The following BNC2 variants were observed in gnomAD, a reference collection of about 807,000 sequenced individuals.
BNC2 encodes the protein basonuclin zinc finger protein 2.
Under a neutral mutation model 76.3 loss-of-function variants are expected in BNC2, and 20 were observed. The ratio of observed to expected loss-of-function variants is 0.26; its 90% CI spans 0.18 to 0.38. BNC2 has a LOEUF of 0.38. BNC2 is among the 10% of genes least tolerant of loss of function. The pLI is 1.00. For missense variants in BNC2, 1,382 were observed against 1,399.8 expected (o/e 0.99, Z 0.20); for synonymous variants, 582 against 514.8 (o/e 1.13, Z -1.77).
chr9:16,652,195 T>A (rs1029841708), intron 3 of BNC2, among the ~76,000 whole-genome samples: 5 of 152,162 alleles, frequency 3.3e-5, no homozygotes, highest in Non-Finnish European at 1.5e-5. Context: ...ATATTTAGAA[T>A]CAACATAAGA....
At chr9:16,706,281 C>G (rs1056933398) in intron 3 of BNC2, among the ~76,000 whole-genome samples, 2 of 152,200 alleles carry the variant, frequency 1.3e-5, no homozygotes, top group African/African-American at 4.8e-5. Flanking sequence ...TATTAACTAT[C>G]TTCATATGAT....
chr9:16,664,102 CT>C (rs1822194002), intron 3 of BNC2, among the ~76,000 whole-genome samples: 1 of 152,056 alleles, frequency 6.6e-6, no homozygotes, highest in Non-Finnish European at 1.5e-5. Context: ...TTTATTCCTC[CT>C]GTTTCCCAAT....
chr9:16,537,702 T>G (rs569493929), intron 5 of BNC2, among the ~76,000 whole-genome samples: 114 of 152,258 alleles, frequency 7.5e-4, no homozygotes, highest in African/African-American at 2.5e-3. Context: ...ACCAGACTCA[T>G]AGCAAGGCAT....
At chr9:16,431,567 A>T (rs1820908270) in intron 6 of BNC2, 2 of 404,162 alleles carry the variant, frequency 4.9e-6, no homozygotes, top group Non-Finnish European at 1.1e-5. Context: ...TCAGCAGCAG[A>T]CAGATCAAGG....
At chr9:16,439,403 G>T (rs575337021) in intron 5 of BNC2, among the ~76,000 whole-genome samples, 1 of 152,210 alleles carries the variant, frequency 6.6e-6, no homozygotes, top group Non-Finnish European at 1.5e-5. Flanking sequence ...GATTAGAGGG[G>T]ACTAATAAAA....
At position 16,745,676 on chromosome 9, in the gene BNC2, G is replaced by A. The variant is rs142748439; in HGVS notation, c.4-7191C>T. Among the ~76,000 whole-genome samples the A allele has an allele frequency of 1.2e-4, 18 of 152,284 alleles. No homozygotes were observed. The East Asian group carries it at 3.5e-3, about 29-fold the overall frequency. On this transcript the variant is annotated intron_variant, in intron 1 of 6. Coordinates refer to ENST00000380672, the MANE Select transcript of BNC2 (RefSeq NM_017637.6). ...AAGTCATATTTAAATAAAGTATCAA[G>A]TACCAAAATGTTTTCTATTATGCCT...
chr9:16,815,764 G>T (rs1338437242), intron 1 of BNC2, among the ~76,000 whole-genome samples: 2 of 152,152 alleles, frequency 1.3e-5, no homozygotes, highest in Admixed American at 1.3e-4. Flanking sequence ...TGACTTTGAA[G>T]AACTCTTCTC....
chr9:16,552,548 G>A lies in BNC2; in HGVS notation c.651C>T (p.Val217=). Residue 217 remains valine, a synonymous_variant, in exon 5 of 7, where the codon GTC becomes GTT. Coordinates refer to ENST00000380672, the MANE Select transcript of BNC2 (RefSeq NM_017637.6). ...HGLGWTLRDY[V]RGYILQDAAG... is the part of the protein sequence containing the mutation. ...TCCCTACCTGAAGGATGTATCCTCG[G>A]ACATAGTCCCGCAGAGTCCAGCCAA... The A allele has an allele frequency of 1.9e-6, 3 of 1,614,176 alleles. No homozygotes were observed. Among genetic ancestry groups the A allele is most frequent in the Non-Finnish European group, 2.5e-6 (3 of 1,180,022 alleles).
At chr9:16,785,164 G>A (rs137964394) in intron 1 of BNC2, among the ~76,000 whole-genome samples, 1 of 152,264 alleles carries the variant, frequency 6.6e-6, no homozygotes, top group African/African-American at 2.4e-5. Flanking sequence ...TACCCACTAG[G>A]CGAGGTTAAT....
At chr9:16,500,184 G>A (rs76256811) in intron 5 of BNC2, among the ~76,000 whole-genome samples, 2,863 of 151,882 alleles carry the variant, frequency 0.019, 86 homozygotes, top group South Asian at 0.13. Context: ...CCCTTTTCAA[G>A]ACTATTCTCC....
chr9:16,659,475 G>C (rs1166520354), intron 3 of BNC2, among the ~76,000 whole-genome samples: 3 of 152,058 alleles, frequency 2.0e-5, no homozygotes, highest in Non-Finnish European at 4.4e-5. Flanking sequence ...GTGTGTGGTG[G>C]TGCATGCCTG....
intron 1 of BNC2, among the ~76,000 whole-genome samples, chr9:16,743,289 G>A (rs1824903068): frequency 6.6e-6 from 1 of 152,092 alleles, no homozygotes; most frequent in Non-Finnish European, 1.5e-5. Context: ...ATTAATCTAA[G>A]GTTTAGAGGA....
intron 1 of BNC2, among the ~76,000 whole-genome samples, chr9:16,812,692 C>G (rs916154248): frequency 3.9e-5 from 6 of 152,162 alleles, no homozygotes; most frequent in Admixed American, 2.0e-4. Context: ...TAAACTACAG[C>G]TGCACAGGTT....
At chr9:16,475,659 A>C (rs902159641) in intron 5 of BNC2, among the ~76,000 whole-genome samples, 2 of 152,194 alleles carry the variant, frequency 1.3e-5, no homozygotes, top group Non-Finnish European at 2.9e-5. Flanking sequence ...TTAATAAATC[A>C]AACAGTGTCT....
chr9:16,734,835 A>C (rs1824617969), intron 2 of BNC2, among the ~76,000 whole-genome samples: 1 of 152,226 alleles, frequency 6.6e-6, no homozygotes, highest in South Asian at 2.1e-4. Context: ...TTCTAACTTA[A>C]GGTTGGAGGA....
intron 1 of BNC2, among the ~76,000 whole-genome samples, chr9:16,859,878 T>TG (rs1819354494): frequency 1.3e-5 from 2 of 152,232 alleles, no homozygotes; most frequent in African/African-American, 4.8e-5. Flanking sequence ...CCCAGCACTT[T>TG]GGGAGGCCAA....
chr9:16,584,780 T>C (rs1018267866), intron 3 of BNC2, among the ~76,000 whole-genome samples: 1 of 152,184 alleles, frequency 6.6e-6, no homozygotes, highest in Non-Finnish European at 1.5e-5. Context: ...AATAACATGT[T>C]CATTAGTTAA....
intron 5 of BNC2, among the ~76,000 whole-genome samples, chr9:16,511,865 A>C (rs1271404594): frequency 6.6e-6 from 1 of 152,210 alleles, no homozygotes; most frequent in African/African-American, 2.4e-5. Flanking sequence ...CCATCACACT[A>C]AAGGATTTGT....
At chr9:16,492,770 T>C (rs1822305578) in intron 5 of BNC2, among the ~76,000 whole-genome samples, 1 of 151,620 alleles carries the variant, frequency 6.6e-6, no homozygotes, top group Non-Finnish European at 1.5e-5. Context: ...ACTCAATTAA[T>C]GATGAGTAGT....
Sources: gnomAD v4.1 joint callset for allele counts (sites outside exome capture counted in the v4.1 genomes callset) on GRCh38, gnomAD v4.1.1 for gene constraint, MANE v1.5 for transcripts, NCBI Gene and HGNC (gene_info 2026-07-23, HGNC 2026-07-21) for gene names.